The following CCDC39 variants were observed in gnomAD, a reference collection of about 807,000 sequenced individuals.
CCDC39 encodes coiled-coil domain 39 molecular ruler complex subunit, also known as coiled-coil domain-containing protein 39.
In CCDC39, 113 loss-of-function variants were observed where a neutral mutation model predicts 121.0. The ratio of observed to expected loss-of-function variants is 0.93; its 90% CI spans 0.80 to 1.09. The LOEUF (loss-of-function observed/expected upper bound fraction) is 1.09. CCDC39 is among the 50% of genes least tolerant of loss of function. CCDC39 has a pLI of 0.00. For missense variants in CCDC39, 1,063 were observed against 1,074.7 expected (o/e 0.99, Z 0.15); for synonymous variants, 349 against 352.2 (o/e 0.99, Z 0.10).
intron 2 of CCDC39, among the ~76,000 whole-genome samples, chr3:180,662,864 C>G (rs959903282): frequency 1.3e-5 from 2 of 152,002 alleles, no homozygotes; most frequent in Admixed American, 6.6e-5. Flanking sequence ...TGGCACTGTT[C>G]ATTTTTTTGA....
At chr3:180,620,698 A>T (rs7628538) in intron 14 of CCDC39, among the ~76,000 whole-genome samples, 142,680 of 152,116 alleles carry the variant, frequency 0.94, 67,041 homozygotes, top group African/African-American at 0.98. Context: ...AATTTCATTT[A>T]AATTTATTCA....
In CCDC39 at chr3:180,651,501, A is replaced by T. The variant is rs1718207846; in HGVS notation, c.1067T>A (p.Ile356Lys). 6.5e-7 allele frequency: 1 copy of T among 1,532,012 alleles called. No individual in the cohort carries two copies. The highest frequency in any genetic ancestry group is 8.8e-7 in the Non-Finnish European group (1 of 1,139,682). The allele number at this position is 1,532,012 out of a possible 1,614,324, so 94.9% of individuals were successfully genotyped here. Residue 356 changes from isoleucine (I) to lysine (K), a missense_variant, in exon 9 of 20, where the codon ATA (isoleucine) becomes AAA (lysine). By Grantham distance (102) the Ile-to-Lys change is moderately radical (BLOSUM62 -3). Coordinates refer to ENST00000476379, the MANE Select transcript of CCDC39 (RefSeq NM_181426.2). ...AGTTATCTCCTTTAATTTTGTTTGT[A>T]TTATCTCATTATGATTTTTAGTTTT... The part of the protein sequence containing the change: ...LQKTKNHNEI[I>K]QTKLKEITEK...
chr3:180,664,674 C>T (rs865928441), intron 1 of CCDC39, among the ~76,000 whole-genome samples: 1 of 151,586 alleles, frequency 6.6e-6, no homozygotes, highest in African/African-American at 2.4e-5. Context: ...TGAGATTCTA[C>T]TCCATTATTA....
At chr3:180,629,560 G>A in intron 14 of CCDC39, among the ~76,000 whole-genome samples, 1 of 152,094 alleles carries the variant, frequency 6.6e-6, no homozygotes, top group East Asian at 1.9e-4. Context: ...TTGCACCCAT[G>A]GTTTGCTTTT....
At chr3:180,662,033 A>G in intron 2 of CCDC39, 26 bp from the exon 3 acceptor site, 1 of 1,515,084 alleles carries the variant, frequency 6.6e-7, no homozygotes, top group Non-Finnish European at 8.8e-7. Flanking sequence ...CAAGATAAAA[A>G]GGCTTTTAAA....
At chr3:180,635,646 C>T (rs1332525183) in intron 13 of CCDC39, among the ~76,000 whole-genome samples, 2 of 152,150 alleles carry the variant, frequency 1.3e-5, no homozygotes, top group Non-Finnish European at 2.9e-5. Flanking sequence ...GTCTCACATC[C>T]AGGGCACACT....
Position 180,614,770 on chromosome 3 carries a change from A to C in CCDC39, c.*151T>G. On this transcript the variant is annotated 3_prime_UTR_variant, in exon 20 of 20. Coordinates refer to ENST00000476379, the MANE Select transcript of CCDC39 (RefSeq NM_181426.2). ...TATGAAGAAAACAGTAGAGAAAATG[A>C]GAACGTTCCTTTTTTTTTAAAACTA... is the stretch of plus-strand genomic sequence containing the variant. 1.6e-6 allele frequency: 1 copy of C among 615,218 alleles called. No homozygotes were observed. The highest frequency in any genetic ancestry group is 2.7e-6 in the Non-Finnish European group (1 of 376,300). 38.1% of individuals were successfully genotyped at this position (615,218 alleles called of 1,614,324 possible).
chr3:180,619,801 T>C lies in CCDC39; in HGVS notation c.2158+10A>G, dbSNP rs770727088. 1.3e-6 allele frequency: 2 copies of C among 1,538,540 alleles called. No homozygotes were observed. Among genetic ancestry groups the C allele is most frequent in the South Asian group, 2.5e-5 (2 of 80,110 alleles). Reference sequence around the variant, plus strand: ...TATATATGTATAAAAAAAAGTTAACTCCTACATACTAGATGGAGTCACTTT... The same window carrying C: ...TATATATGTATAAAAAAAAGTTAACCCCTACATACTAGATGGAGTCACTTT... On this transcript the variant is annotated intron_variant, in intron 15 of 19. Transcript: ENST00000476379.
chr3:180,669,862 G>A (rs188035792), intron 1 of CCDC39, among the ~76,000 whole-genome samples: 93 of 152,216 alleles, frequency 6.1e-4, no homozygotes, highest in African/African-American at 1.8e-3. Context: ...GCATCAGATC[G>A]TTGACTGCTC....
rs199648989 is a variant in CCDC39 at position 180,652,121 on chromosome 3, T to TA, written c.1034+41dup. On this transcript the variant is annotated intron_variant, in intron 8 of 19. Transcript: ENST00000476379. ...GTATTTAATAATTTTCTAGATATAG[T>TA]AAAAAATAATCATAAACATATTTAG... 1,740 of 1,062,714 alleles carry TA rather than the reference T, an allele frequency of 1.6e-3. 16 individuals carry two copies. In the African/African-American group the frequency reaches 0.026, roughly 16 times the overall value. 65.8% of individuals were successfully genotyped at this position (1,062,714 alleles called of 1,614,324 possible).
chr3:180,651,969 G>C (rs957699295), intron 8 of CCDC39, among the ~76,000 whole-genome samples, 194 bp downstream of exon 8: 1 of 151,710 alleles, frequency 6.6e-6, no homozygotes, highest in South Asian at 2.1e-4. Flanking sequence ...CCCAGGAGGC[G>C]GAGCTTGCAG....
chr3:180,642,598 A>G (rs1012013976), intron 12 of CCDC39, among the ~76,000 whole-genome samples: 3 of 152,160 alleles, frequency 2.0e-5, no homozygotes, highest in Non-Finnish European at 2.9e-5. Flanking sequence ...GTACTGACAT[A>G]AGAGTACACA....
At chr3:180,654,189 C>A (rs1320962870) in intron 7 of CCDC39, among the ~76,000 whole-genome samples, 3 of 84,792 alleles carry the variant, frequency 3.5e-5, no homozygotes. Context: ...TCTCTTCAAT[C>A]AATGATGTTA....
intron 8 of CCDC39, among the ~76,000 whole-genome samples, chr3:180,651,822 G>A (rs570957490): frequency 6.6e-6 from 1 of 152,142 alleles, no homozygotes. Flanking sequence ...CAGATCACGA[G>A]GTCAGGAGAT....
rs753320456 is a variant in CCDC39, at chr3:180,679,255, T to C, written c.90+36A>G. 1.3e-6 allele frequency: 2 copies of C among 1,569,998 alleles called. No homozygotes were observed. Among genetic ancestry groups the C allele is most frequent in the East Asian group, 2.2e-5 (1 of 44,692 alleles). On this transcript the variant is annotated intron_variant, in intron 1 of 19. Coordinates refer to ENST00000476379, the MANE Select transcript of CCDC39 (RefSeq NM_181426.2). This position sits in a 1 kb window ranked among gnomAD's most constrained non-coding sequence, Gnocchi z 4.0. ...ACCAGAAAACGCCCCCAACAGGCTC[T>C]CTCTGCTTCCTCCCGCCTGCTTCAA...
At chr3:180,673,594 G>A (rs1189399634) in intron 1 of CCDC39, among the ~76,000 whole-genome samples, 1 of 152,172 alleles carries the variant, frequency 6.6e-6, no homozygotes, top group African/African-American at 2.4e-5. Context: ...CATGCACTGT[G>A]TGACTTGCTT....
chr3:180,617,204 G>T (rs890082476), intron 16 of CCDC39, among the ~76,000 whole-genome samples: 1 of 152,068 alleles, frequency 6.6e-6, no homozygotes, highest in African/African-American at 2.4e-5. Context: ...TTGTAATGTG[G>T]CACAATACAT....
intron 1 of CCDC39, among the ~76,000 whole-genome samples, chr3:180,673,891 A>T (rs549116548): frequency 6.6e-6 from 1 of 151,944 alleles, no homozygotes; most frequent in African/African-American, 2.4e-5. Flanking sequence ...AACTTAAAGC[A>T]GGCAATGCAA....
intron 6 of CCDC39, among the ~76,000 whole-genome samples, chr3:180,656,733 C>A (rs890924484): frequency 2.6e-5 from 4 of 152,146 alleles, no homozygotes; most frequent in African/African-American, 7.2e-5. Context: ...TAAAACCCCC[C>A]CTGACCAAGA....
Sources: gnomAD v4.1 joint callset for allele counts (sites outside exome capture counted in the v4.1 genomes callset) on GRCh38, gnomAD v4.1.1 for gene constraint, Gnocchi (gnomAD v3.1) non-coding constraint, MANE v1.5 for transcripts, NCBI Gene and HGNC (gene_info 2026-07-23, HGNC 2026-07-21) for gene names.